Variants in RNF130 observed in about 807,000 individuals in gnomAD.
The protein encoded by RNF130 is E3 ubiquitin-protein ligase RNF130.
A neutral mutation model predicts 44.6 loss-of-function variants in RNF130; 21 were observed. That is an observed-to-expected ratio of 0.47 (90% CI 0.33 to 0.68). RNF130 has a LOEUF of 0.68. Ranked by LOEUF, RNF130 falls within the 30% of genes least tolerant of loss-of-function variation. RNF130 has a pLI of 0.02. For synonymous variants in RNF130, 214 were observed against 210.4 expected, an observed-to-expected ratio of 1.02 and a Z score of -0.15; for missense variants, 479 against 560.6, an observed-to-expected ratio of 0.85 and a Z score of 1.47.
chr5:180,011,379 G>A (rs567555685), intron 3 of RNF130, among the ~76,000 whole-genome samples: 1 of 152,234 alleles, frequency 6.6e-6, no homozygotes, highest in Non-Finnish European at 1.5e-5. Context: ...GGTTATGTAA[G>A]AGAATGTTCT....
intron 7 of RNF130, among the ~76,000 whole-genome samples, chr5:179,934,685 G>C (rs1761862995): frequency 6.6e-6 from 1 of 151,716 alleles, no homozygotes; most frequent in Admixed American, 6.6e-5. Flanking sequence ...CCAGACCACA[G>C]GTGTGCGCCA....
intron 3 of RNF130, among the ~76,000 whole-genome samples, chr5:179,989,872 A>T (rs1763039814): frequency 6.6e-6 from 1 of 152,012 alleles, no homozygotes; most frequent in Non-Finnish European, 1.5e-5. Context: ...TTCTTCGTGT[A>T]ATTGTTTTAT....
intron 2 of RNF130, among the ~76,000 whole-genome samples, chr5:180,040,164 T>C (rs1042295049): frequency 6.6e-6 from 1 of 152,330 alleles, no homozygotes; most frequent in East Asian, 1.9e-4. Flanking sequence ...CCAAATCAAA[T>C]ACATTATTTG....
intron 3 of RNF130, among the ~76,000 whole-genome samples, chr5:179,995,381 A>G (rs891822638): frequency 6.6e-6 from 1 of 152,132 alleles, no homozygotes; most frequent in African/African-American, 2.4e-5. Flanking sequence ...TCTAGTGCCC[A>G]AAGCTGGAGG....
chr5:180,061,570 C>T (rs114700124), intron 1 of RNF130, among the ~76,000 whole-genome samples: 5,698 of 152,266 alleles, frequency 0.037, 371 homozygotes, highest in African/African-American at 0.13. Flanking sequence ...CTGATGGCTG[C>T]TAGCCATCCT....
intron 7 of RNF130, among the ~76,000 whole-genome samples, chr5:179,927,666 G>A (rs1761725037): frequency 6.9e-6 from 1 of 144,750 alleles, no homozygotes; most frequent in Non-Finnish European, 1.5e-5. Context: ...TTGGCTCACC[G>A]CAAGCTCTGC....
intron 7 of RNF130, among the ~76,000 whole-genome samples, chr5:179,931,981 A>T (rs908160263): frequency 4.6e-5 from 7 of 152,194 alleles, no homozygotes; most frequent in Non-Finnish European, 7.3e-5. Context: ...GAGCCAAGAC[A>T]ATAGGGGTCT....
intron 7 of RNF130, among the ~76,000 whole-genome samples, chr5:179,934,349 G>A (rs1311966436): frequency 1.3e-5 from 2 of 151,962 alleles, no homozygotes; most frequent in Admixed American, 1.3e-4. Flanking sequence ...TAACCCCCTG[G>A]TAATCGCTCC....
chr5:180,057,405 C>T (rs1019069697), intron 1 of RNF130, among the ~76,000 whole-genome samples: 2 of 152,126 alleles, frequency 1.3e-5, no homozygotes, highest in Non-Finnish European at 2.9e-5. Context: ...AAAAACTATC[C>T]GGGCATGGTG....
At chr5:179,942,588 ATTG>A (rs1761980581) in intron 7 of RNF130, among the ~76,000 whole-genome samples, 1 of 152,206 alleles carries the variant, frequency 6.6e-6, no homozygotes. Context: ...TTTAAAGGGA[ATTG>A]TTGATGCGGA....
chr5:180,024,777 T>C (rs983422922), intron 2 of RNF130, among the ~76,000 whole-genome samples: 5 of 152,188 alleles, frequency 3.3e-5, no homozygotes, highest in Admixed American at 2.6e-4. Context: ...CTACCGTTTT[T>C]TCATGAGTTT....
rs1762384946 is a variant in RNF130 at position 179,963,894 on chromosome 5, T to C, written c.1151-330A>G. On this transcript the variant is annotated intron_variant, in intron 7 of 8. Transcript: ENST00000521389. ...ACAAGGACATAGATTTTTTTCATTGTTAATGTAAATGACAGTAAAGTAGAC... is the reference window on the plus strand; with the variant it reads ...ACAAGGACATAGATTTTTTTCATTGCTAATGTAAATGACAGTAAAGTAGAC... 1.1e-5 allele frequency: 3 copies of C among 284,178 alleles called. No individual in the cohort carries two copies. The South Asian group carries it at 1.4e-4, about 14-fold the overall frequency. The allele number at this position is 284,178 out of a possible 1,614,324, so 17.6% of individuals were successfully genotyped here.
At chr5:180,026,680 T>C (rs4235504) in intron 2 of RNF130, among the ~76,000 whole-genome samples, 19,553 of 152,258 alleles carry the variant, frequency 0.13, 1,416 homozygotes, top group East Asian at 0.27. Flanking sequence ...ATACAGTATA[T>C]AGGGAATACT....
intron 3 of RNF130, 148 bp from the exon 4 acceptor site, chr5:179,980,348 T>C: frequency 1.5e-6 from 1 of 669,584 alleles, no homozygotes; most frequent in Admixed American, 2.9e-5. Flanking sequence ...ATAGAAAAAA[T>C]GGTGGCTGTA....
intron 3 of RNF130, among the ~76,000 whole-genome samples, chr5:179,996,289 TTCTG>T (rs1763195024): frequency 6.6e-6 from 1 of 152,234 alleles, no homozygotes; most frequent in Non-Finnish European, 1.5e-5. Context: ...CAGAACTGAT[TTCTG>T]TATGTTAATT....
Position 179,963,759 on chromosome 5 carries a change from C to T in RNF130, c.1151-195G>A. The T allele has an allele frequency of 5.2e-6, 3 of 581,970 alleles. No homozygotes were observed. In the East Asian group the frequency reaches 8.7e-5, roughly 17 times the overall value. The allele number at this position is 581,970 out of a possible 1,614,324, so 36.1% of individuals were successfully genotyped here. On this transcript the variant is annotated intron_variant, in intron 7 of 8. Transcript: ENST00000521389. ...TTAGTGGAAGTACTGGTGAAAGCTG[C>T]AAGGGAGAAAGGAAAGCATGGCTCA...
At chr5:179,951,944 A>G (rs1348637177), downstream of RNF130, among the ~76,000 whole-genome samples, 1 of 152,160 alleles carries the variant, frequency 6.6e-6, no homozygotes, top group Non-Finnish European at 1.5e-5. Flanking sequence ...AAACAACTAC[A>G]TTAAATAAAA....
intron 2 of RNF130, among the ~76,000 whole-genome samples, chr5:180,032,077 A>G (rs988176073): frequency 7.2e-5 from 11 of 152,196 alleles, no homozygotes; most frequent in African/African-American, 2.7e-4. Flanking sequence ...GTTGATTTAT[A>G]AGAGTTCTTT....
Position 180,071,529 on chromosome 5 carries a change from G to A in RNF130, c.174C>T (p.Arg58=), listed in dbSNP as rs201475396. Residue 58 remains arginine, a synonymous_variant, in exon 1 of 9, where the codon CGC becomes CGT. Transcript: ENST00000521389. ...RGAPLTFRID[R]GRYGLDSPKA... is the part of the protein sequence containing the mutation. ...TGGGGGAGTCAAGCCCGTAGCGCCC[G>A]CGGTCGATGCGAAACGTGAGCGGGG... 1.6e-3 allele frequency: 2,150 copies of A among 1,373,392 alleles called. 74 individuals are homozygous for A. In the Admixed American group the frequency reaches 0.052, roughly 33 times the overall value. The allele number at this position is 1,373,392 out of a possible 1,614,324, so 85.1% of individuals were successfully genotyped here.
Sources: allele counts gnomAD v4.1 joint callset (sites outside exome capture counted in the v4.1 genomes callset), GRCh38; gene constraint gnomAD v4.1.1; transcripts MANE v1.5; gene names NCBI Gene and HGNC (gene_info 2026-07-23, HGNC 2026-07-21).